Variants in KATNBL1 observed in about 807,000 individuals in gnomAD.
KATNBL1 encodes the protein katanin regulatory subunit B1 like 1.
In KATNBL1, 28 loss-of-function variants were observed where a neutral mutation model predicts 44.7. The observed-to-expected ratio is 0.63, with a 90% CI of 0.46 to 0.86. KATNBL1 has a LOEUF of 0.86. Ranked by LOEUF, KATNBL1 falls within the 40% of genes least tolerant of loss-of-function variation. The probability of loss-of-function intolerance (pLI) is 0.00; values close to 1 mark genes in which losing one functional copy is unlikely to be tolerated. For missense variants in KATNBL1, 272 were observed against 350.7 expected (o/e 0.78, Z 1.79); for synonymous variants, 78 against 114.9 (o/e 0.68, Z 2.06).
At position 34,143,067 on chromosome 15, in the gene KATNBL1, T is replaced by C. The variant is rs1165649948; in HGVS notation, c.883-696A>G. ...CAAATTAATTGATGGTTTAATTTTG[T>C]AAGAAAGTCTCATCATAAGGAACTT... On this transcript the variant is annotated intron_variant, in intron 9 of 9. Transcript: ENST00000256544. 5 of 1,217,298 alleles carry C rather than the reference T, an allele frequency of 4.1e-6. No individual in the cohort carries two copies. The South Asian group carries it at 5.1e-5, about 12-fold the overall frequency. 75.4% of individuals were successfully genotyped at this position (1,217,298 alleles called of 1,614,324 possible).
chr15:34,176,651 C>T (rs1889342630), intron 1 of KATNBL1, among the ~76,000 whole-genome samples: 1 of 151,986 alleles, frequency 6.6e-6, no homozygotes, highest in Non-Finnish European at 1.5e-5. Context: ...ATTCTGTGTA[C>T]ACTTACAATA....
intron 1 of KATNBL1, among the ~76,000 whole-genome samples, chr15:34,188,137 T>TAAAAAAAAAAAAAA (rs1201268078): frequency 0.018 from 406 of 22,108 alleles, 30 homozygotes; most frequent in Non-Finnish European, 0.02. Context: ...AGACGCCATG[T>TAAAAAAAAAAAAAA]AAAAAAAAAA....
intron 1 of KATNBL1, among the ~76,000 whole-genome samples, chr15:34,165,388 T>C (rs187576408): frequency 6.6e-6 from 1 of 152,296 alleles, no homozygotes; most frequent in East Asian, 1.9e-4. Context: ...CCTCTACCCT[T>C]CCTTGAAACC....
intron 2 of KATNBL1, among the ~76,000 whole-genome samples, chr15:34,155,843 A>C (rs565725384): frequency 1.6e-4 from 24 of 152,324 alleles, no homozygotes; most frequent in Admixed American, 1.5e-3. Context: ...ACCCACCAAA[A>C]TATTGACTCA....
At chr15:34,148,941 A>T (rs1478415318) in intron 4 of KATNBL1, among the ~76,000 whole-genome samples, 191 bp from the exon 5 acceptor site, 1 of 152,224 alleles carries the variant, frequency 6.6e-6, no homozygotes, top group Non-Finnish European at 1.5e-5. Context: ...ACCCATTTAT[A>T]CTTTTCACTA....
At chr15:34,156,657 G>A (rs561454536) in intron 2 of KATNBL1, among the ~76,000 whole-genome samples, 15 of 152,190 alleles carry the variant, frequency 9.9e-5, no homozygotes, top group East Asian at 5.8e-4. Flanking sequence ...AGGTGTAGGC[G>A]GTGGGGGAGC....
chr15:34,199,470 A>T (rs1890112815), intron 1 of KATNBL1: 1 of 152,164 alleles, frequency 6.6e-6, no homozygotes, highest in South Asian at 2.1e-4. Context: ...TACCAAATTA[A>T]CAGAGCCTGA....
intron 2 of KATNBL1, among the ~76,000 whole-genome samples, chr15:34,159,082 T>A (rs2140921732): frequency 1.3e-5 from 2 of 152,364 alleles, no homozygotes; most frequent in African/African-American, 4.8e-5. Flanking sequence ...CCTTTCTGCC[T>A]TCTGATTAAG....
At chr15:34,169,708 G>A (rs925200382) in intron 1 of KATNBL1, among the ~76,000 whole-genome samples, 7 of 152,134 alleles carry the variant, frequency 4.6e-5, no homozygotes, top group Admixed American at 2.0e-4. Flanking sequence ...CTGGCAAACC[G>A]AATCCAGCAG....
Position 34,165,182 on chromosome 15 carries a change from G to GT in KATNBL1, c.-14-1493dup, listed in dbSNP as rs143121663. Among the ~76,000 whole-genome samples, 29 of 152,284 alleles carry GT rather than the reference G, an allele frequency of 1.9e-4. No homozygotes were observed. The East Asian group carries it at 5.4e-3, about 28-fold the overall frequency. On this transcript the variant is annotated intron_variant, in intron 1 of 9. Transcript: ENST00000256544. ...ACTAGCATGTGCAGAACTGAAAGGCGTGAAGCAACACGGTTTGTTTGGCAA... is the reference window on the plus strand; with the variant it reads ...ACTAGCATGTGCAGAACTGAAAGGCGTTGAAGCAACACGGTTTGTTTGGCAA...
chr15:34,165,632 A>G (rs1392418037), intron 1 of KATNBL1, among the ~76,000 whole-genome samples: 1 of 152,074 alleles, frequency 6.6e-6, no homozygotes, highest in Non-Finnish European at 1.5e-5. Flanking sequence ...CCCTGTCTCT[A>G]CAAAAATACA....
rs1888583815 is a variant in KATNBL1 at position 34,154,693 on chromosome 15, T to C, written c.118-9A>G. 3 of 1,549,932 alleles carry C rather than the reference T, an allele frequency of 1.9e-6. No homozygotes were observed. The highest frequency in any genetic ancestry group is 1.7e-5 in the Admixed American group (1 of 59,632). On this transcript the variant is annotated splice_polypyrimidine_tract_variant and intron_variant, in intron 2 of 9. Transcript: ENST00000256544. ...TTTGGAGATTTCTTAACCTGAAAAA[T>C]GAAAGTAGATAGTTGATGTTAGAAA...
intron 9 of KATNBL1, among the ~76,000 whole-genome samples, chr15:34,144,075 AT>A (rs11433715): frequency 1.1e-4 from 17 of 147,978 alleles, no homozygotes; most frequent in East Asian, 3.9e-4. Context: ...TATCTGAGAA[AT>A]TTTTTTTTTT....
chr15:34,176,017 C>G (rs1270025250), intron 1 of KATNBL1, among the ~76,000 whole-genome samples: 1 of 152,132 alleles, frequency 6.6e-6, no homozygotes, highest in Non-Finnish European at 1.5e-5. Flanking sequence ...CCCAAATGTC[C>G]ATCAACTGCT....
chr15:34,165,145 G>A (rs1310847943), intron 1 of KATNBL1, among the ~76,000 whole-genome samples: 3 of 152,140 alleles, frequency 2.0e-5, no homozygotes, highest in Non-Finnish European at 4.4e-5. Context: ...AGACAAATCA[G>A]CACACTGACA....
chr15:34,167,213 A>C (rs1889005373), intron 1 of KATNBL1, among the ~76,000 whole-genome samples: 1 of 152,224 alleles, frequency 6.6e-6, no homozygotes, highest in African/African-American at 2.4e-5. Flanking sequence ...AAGGTTAGAC[A>C]AATGGTTAAC....
At chr15:34,186,110 C>G (rs533259754) in intron 1 of KATNBL1, among the ~76,000 whole-genome samples, 95 of 152,194 alleles carry the variant, frequency 6.2e-4, no homozygotes, top group Non-Finnish European at 1.2e-3. Context: ...TTATTAGTCC[C>G]TCGATCATGG....
chr15:34,169,062 A>G (rs1889074369), intron 1 of KATNBL1, among the ~76,000 whole-genome samples: 1 of 152,206 alleles, frequency 6.6e-6, no homozygotes, highest in Non-Finnish European at 1.5e-5. Context: ...TTCAAAAGGT[A>G]GCAGAAGGCA....
At chr15:34,188,153 AAAAAAAAAAAAAG>A (rs1889772809) in intron 1 of KATNBL1, among the ~76,000 whole-genome samples, 1 of 147,536 alleles carries the variant, frequency 6.8e-6, no homozygotes, top group Non-Finnish European at 1.5e-5. Flanking sequence ...AAAAAAAAAA[AAAAAAAAAAAAAG>A]AAAATTCACA....
Sources: allele counts gnomAD v4.1 joint callset (sites outside exome capture counted in the v4.1 genomes callset), GRCh38; gene constraint gnomAD v4.1.1; transcripts MANE v1.5; gene names NCBI Gene and HGNC (gene_info 2026-07-23, HGNC 2026-07-21).